ADAM11: variants seen among roughly 807,000 people sequenced by gnomAD.
ADAM11 encodes the protein ADAM metallopeptidase domain 11.
A neutral mutation model predicts 119.1 loss-of-function variants in ADAM11; 49 were observed. The observed-to-expected ratio is 0.41, with a 90% CI of 0.33 to 0.52. The LOEUF (loss-of-function observed/expected upper bound fraction) is 0.52, where lower values mean the gene tolerates loss of function less well. Among genes scored for constraint, ADAM11 ranks in the 20% least tolerant of loss-of-function variants. The pLI is 0.20. For missense variants in ADAM11, 777 were observed against 1,047.5 expected (o/e 0.74, Z 3.56); for synonymous variants, 364 against 408.0 (o/e 0.89, Z 1.30).
chr17:44,777,307 A>C lies in ADAM11; in HGVS notation c.1781+42A>C. ...CCAGAGGGCCTCTCAGCTCCAGGGC[A>C]GGTGTGAGACTTTTCAGAGATGGGG... On this transcript the variant is annotated intron_variant, in intron 21 of 26. Transcript: ENST00000200557. This position sits in a 1 kb window ranked among gnomAD's most constrained non-coding sequence, Gnocchi z 5.1. 1 of 1,571,778 alleles carries C rather than the reference A, an allele frequency of 6.4e-7. No individual in the cohort carries two copies. Among genetic ancestry groups the C allele is most frequent in the East Asian group, 2.2e-5 (1 of 44,456 alleles).
chr17:44,767,706 C>G (rs550182088), intron 2 of ADAM11, among the ~76,000 whole-genome samples: 15 of 152,386 alleles, frequency 9.8e-5, no homozygotes, highest in African/African-American at 3.1e-4. Context: ...GGTCTGAGCC[C>G]TGTGTCCTGC....
rs745786879 is a variant in ADAM11 at position 44,772,257 on chromosome 17, C to T, written c.544-10C>T. 4.4e-6 allele frequency: 7 copies of T among 1,605,292 alleles called. No individual in the cohort carries two copies. The Admixed American group carries it at 1.2e-4, about 27-fold the overall frequency. ...TTGGCACCCCAAGAACTAATTTCCC[C>T]TCATTGCAGGGACCCCTTCCCCACC... On this transcript the variant is annotated splice_polypyrimidine_tract_variant and intron_variant, in intron 6 of 26. Transcript: ENST00000200557. This position sits in a 1 kb window ranked among gnomAD's most constrained non-coding sequence, Gnocchi z 4.5.
chr17:44,773,476 G>A lies in ADAM11; in HGVS notation c.992+49G>A, dbSNP rs1428972475. ...CTGCCAGCCTCTGCTAGTTGCTACA[G>A]TGCTTGGGATTACTTAACACCTGCC... On this transcript the variant is annotated intron_variant, in intron 11 of 26. Coordinates refer to ENST00000200557, the MANE Select transcript of ADAM11 (RefSeq NM_002390.6). The surrounding 1 kb of genome is among the most constrained non-coding windows in gnomAD (Gnocchi z 4.6). The A allele has an allele frequency of 6.3e-7, 1 of 1,591,006 alleles. No homozygotes were observed. Among genetic ancestry groups the A allele is most frequent in the African/African-American group, 1.3e-5 (1 of 74,748 alleles).
rs1021014984 is a variant in ADAM11, at chr17:44,772,185, C to T, written c.544-82C>T. 29 of 1,335,720 alleles carry T rather than the reference C, an allele frequency of 2.2e-5. No homozygotes were observed. The highest frequency in any genetic ancestry group is 8.7e-5 in the African/African-American group (6 of 68,838). The allele number at this position is 1,335,720 out of a possible 1,614,324, so 82.7% of individuals were successfully genotyped here. On this transcript the variant is annotated intron_variant, in intron 6 of 26. Coordinates refer to ENST00000200557, the MANE Select transcript of ADAM11 (RefSeq NM_002390.6). The surrounding 1 kb of genome is among the most constrained non-coding windows in gnomAD (Gnocchi z 4.5). ...GGGTCACCCCAGGGTGGGGTGGAGG[C>T]GAGGGCTGGATCTGGCCCCCGCCAA...
At chr17:44,761,431 C>A (rs1598880829) in intron 2 of ADAM11, among the ~76,000 whole-genome samples, 1 of 152,180 alleles carries the variant, frequency 6.6e-6, no homozygotes, top group East Asian at 1.9e-4. Flanking sequence ...GTGTCTGCAG[C>A]TGCGTGGGAA....
At chr17:44,759,499 T>C in intron 1 of ADAM11, 1 of 1,242,964 alleles carries the variant, frequency 8.0e-7, no homozygotes, top group Non-Finnish European at 1.0e-6. Context: ...TCTCTGCGGG[T>C]TTGGGCGGAT....
At chr17:44,770,180 C>A in intron 4 of ADAM11, 132 bp downstream of exon 4, 2 of 1,107,248 alleles carry the variant, frequency 1.8e-6, no homozygotes, top group South Asian at 2.9e-5. Context: ...AGCACCTTCC[C>A]TCTCTCCCGA....
chr17:44,779,745 A>G lies in ADAM11; in HGVS notation c.2301A>G (p.Gly767=). Residue 767 remains glycine (G), a synonymous_variant, in exon 27 of 27, where the codon GGA becomes GGG. Coordinates refer to ENST00000200557, the MANE Select transcript of ADAM11 (RefSeq NM_002390.6). ...GFKNIRRGRS[G]GA ...TGCCCCCTCTCCGTTCCAGGTCCGG[A>G]GGGGCCTAAGTGCCACCCTCCTCCC... 2 of 1,602,704 alleles carry G rather than the reference A, an allele frequency of 1.2e-6. No individual in the cohort carries two copies. Among genetic ancestry groups the G allele is most frequent in the Non-Finnish European group, 1.7e-6 (2 of 1,176,968 alleles).
chr17:44,766,561 C>G (rs188619575), intron 2 of ADAM11, among the ~76,000 whole-genome samples: 1 of 152,130 alleles, frequency 6.6e-6, no homozygotes, highest in Non-Finnish European at 1.5e-5. Flanking sequence ...GCTGCTGTGG[C>G]GACACGAACT....
At chr17:44,770,097 G>C (rs775633211) in intron 4 of ADAM11, 49 bp downstream of exon 4, 1 of 1,599,558 alleles carries the variant, frequency 6.3e-7, no homozygotes, top group Admixed American at 1.7e-5. Context: ...GGGAGGTGCT[G>C]TTTCTGTGGT....
At position 44,781,028 on chromosome 17, in the gene ADAM11, G is replaced by C. The variant is rs1035781302; in HGVS notation, c.*1274G>C. The stretch of plus-strand genomic sequence containing the variant: ...CATGACCCTTGCTTGGGAGGGTGGA[G>C]CACTGGCTCCTTGACCCTAAAAGGT... On this transcript the variant is annotated 3_prime_UTR_variant, in exon 27 of 27. Coordinates refer to ENST00000200557, the MANE Select transcript of ADAM11 (RefSeq NM_002390.6). The C allele has an allele frequency of 6.6e-6, 1 of 152,498 alleles. No homozygotes were observed. The highest frequency in any genetic ancestry group is 2.4e-5 in the African/African-American group (1 of 41,432). The allele number at this position is 152,498 out of a possible 1,614,324, so 9.4% of individuals were successfully genotyped here.
chr17:44,779,281 G>A (rs757852401), intron 26 of ADAM11, 42 bp downstream of exon 26: 8 of 1,552,542 alleles, frequency 5.2e-6, no homozygotes, highest in African/African-American at 4.3e-5. Context: ...TGCCGGCCAC[G>A]TCATCCCTCC....
intron 2 of ADAM11, among the ~76,000 whole-genome samples, chr17:44,766,230 G>T (rs2049448897): frequency 6.6e-6 from 1 of 152,198 alleles, no homozygotes; most frequent in South Asian, 2.1e-4. Context: ...TTCCGGGTCA[G>T]CGTGTGAAGG....
In ADAM11 at chr17:44,776,647, C is replaced by G; in HGVS notation, c.1567-98C>G. The G allele has an allele frequency of 6.9e-7, 1 of 1,457,046 alleles. No individual in the cohort carries two copies. The highest frequency in any genetic ancestry group is 9.4e-7 in the Non-Finnish European group (1 of 1,064,162). The allele number at this position is 1,457,046 out of a possible 1,614,324, so 90.3% of individuals were successfully genotyped here. A position where few individuals can be genotyped will look rare whatever the true frequency, so the allele number is the denominator to read the frequency against. ...TGGAAGAGCCCTGTGGCATGAGCCC[C>G]CAATGGGGGGCACTTGGTACCCCAG... On this transcript the variant is annotated intron_variant, in intron 18 of 26. Coordinates refer to ENST00000200557, the MANE Select transcript of ADAM11 (RefSeq NM_002390.6). The surrounding 1 kb of genome is among the most constrained non-coding windows in gnomAD (Gnocchi z 5.2).
In ADAM11 at chr17:44,776,442, G is replaced by A. The variant is rs1050233579; in HGVS notation, c.1566+235G>A. 6.6e-6 allele frequency among the ~76,000 whole-genome samples: 1 copy of A among 152,160 alleles called. No homozygotes were observed. Among genetic ancestry groups the A allele is most frequent in the East Asian group, 1.9e-4 (1 of 5,190 alleles). On this transcript the variant is annotated intron_variant, in intron 18 of 26. Coordinates refer to ENST00000200557, the MANE Select transcript of ADAM11 (RefSeq NM_002390.6). This position sits in a 1 kb window ranked among gnomAD's most constrained non-coding sequence, Gnocchi z 5.2. ...GCTGGTATTCCCAGCGCCTGGCCCG[G>A]TGCCTGGTGTAGGTTAGGGATCAGA...
In ADAM11 at chr17:44,774,570, C is replaced by T. The variant is rs749749794; in HGVS notation, c.1156C>T (p.Arg386Trp). ...CCTGGGCATGATGTGGAACAAACAC[C>T]GGAGCTCGGCAGGTATCCTCCCCCA... Reference protein sequence around the residue: ...QNLGMMWNKHRSSAGDCKCPD... With the variant: ...QNLGMMWNKHWSSAGDCKCPD... Residue 386 changes from arginine (R) to tryptophan (W), a missense_variant, in exon 13 of 27, where the codon CGG (arginine) becomes TGG (tryptophan). Physicochemically the swap from Arg to Trp is moderately radical, Grantham distance 101. Coordinates refer to ENST00000200557, the MANE Select transcript of ADAM11 (RefSeq NM_002390.6). 6 of 1,613,158 alleles carry T rather than the reference C, an allele frequency of 3.7e-6. No individual in the cohort carries two copies. The highest frequency in any genetic ancestry group is 5.1e-6 in the Non-Finnish European group (6 of 1,179,646).
Position 44,775,526 on chromosome 17 carries a change from G to T in ADAM11, c.1393-58G>T. 1 of 1,569,984 alleles carries T rather than the reference G, an allele frequency of 6.4e-7. No homozygotes were observed. The highest frequency in any genetic ancestry group is 8.6e-7 in the Non-Finnish European group (1 of 1,161,456). ...GATGCGGGGGTGGGCACGAGGGAGC[G>T]TCTGAGTGGGAGGATTAGGGCTCGC... On this transcript the variant is annotated intron_variant, in intron 16 of 26. Coordinates refer to ENST00000200557, the MANE Select transcript of ADAM11 (RefSeq NM_002390.6). This position sits in a 1 kb window ranked among gnomAD's most constrained non-coding sequence, Gnocchi z 7.5.
intron 25 of ADAM11, among the ~76,000 whole-genome samples, 184 bp from the exon 26 acceptor site, chr17:44,779,038 G>A (rs1453407267): frequency 6.6e-6 from 1 of 152,176 alleles, no homozygotes; most frequent in Non-Finnish European, 1.5e-5. Flanking sequence ...AGCTGGAACC[G>A]GGACGCATTT....
At chr17:44,768,695 C>A (rs1024578034) in intron 2 of ADAM11, among the ~76,000 whole-genome samples, 3 of 152,198 alleles carry the variant, frequency 2.0e-5, no homozygotes, top group African/African-American at 7.2e-5. Flanking sequence ...AGGAGGAAGC[C>A]GACAAGGCAC....
Sources: allele counts gnomAD v4.1 joint callset (sites outside exome capture counted in the v4.1 genomes callset), GRCh38; gene constraint gnomAD v4.1.1; non-coding constraint Gnocchi (gnomAD v3.1); transcripts MANE v1.5; gene names NCBI Gene and HGNC (gene_info 2026-07-23, HGNC 2026-07-21).